The following LRP1B variants were observed in gnomAD, a reference collection of about 807,000 sequenced individuals.
LRP1B encodes the protein LDL receptor related protein 1B.
LRP1B carries 217 observed loss-of-function variants against 556.6 expected under a neutral mutation model. That is an observed-to-expected ratio of 0.39 (90% CI 0.35 to 0.44). The LOEUF is 0.44. Ranked by LOEUF, LRP1B falls within the 20% of genes least tolerant of loss-of-function variation. The pLI is 1.00. For missense variants in LRP1B, 5,053 were observed against 5,620.8 expected (o/e 0.90, Z 3.23); for synonymous variants, 2,047 against 1,865.8 (o/e 1.10, Z -2.50).
rs534278336 is a variant in LRP1B at position 141,571,305 on chromosome 2, G to T, written c.206-90772C>A. ...TGAAGTGAACCCCCAGCAAACTGCAGCAGCCCTACAGAAGAGGAGGCCTAA... is the reference window on the plus strand; with the variant it reads ...TGAAGTGAACCCCCAGCAAACTGCATCAGCCCTACAGAAGAGGAGGCCTAA... On this transcript the variant is annotated intron_variant, in intron 2 of 90. Coordinates refer to ENST00000389484, the MANE Select transcript of LRP1B (RefSeq NM_018557.3). Among the ~76,000 whole-genome samples, 5 of 150,866 alleles carry T rather than the reference G, an allele frequency of 3.3e-5. No homozygotes were observed. The East Asian group carries it at 9.7e-4, about 29-fold the overall frequency.
intron 1 of LRP1B, among the ~76,000 whole-genome samples, chr2:141,936,590 G>C (rs1700641841): frequency 6.6e-6 from 1 of 152,096 alleles, no homozygotes; most frequent in Non-Finnish European, 1.5e-5. Flanking sequence ...TAAGATCCTT[G>C]ATCTGTAATA....
chr2:141,515,023 C>A (rs943619149), intron 2 of LRP1B, among the ~76,000 whole-genome samples: 4 of 152,128 alleles, frequency 2.6e-5, no homozygotes, highest in Non-Finnish European at 4.4e-5. Context: ...AATATTCCAG[C>A]TGGGCATGGT....
At chr2:140,591,015 T>C (rs1353919998) in intron 43 of LRP1B, among the ~76,000 whole-genome samples, 1 of 152,204 alleles carries the variant, frequency 6.6e-6, no homozygotes, top group African/African-American at 2.4e-5. Context: ...AGTCACTTAC[T>C]GTTCTAAAGA....
At chr2:141,927,464 C>T (rs1218607969) in intron 1 of LRP1B, among the ~76,000 whole-genome samples, 1 of 152,026 alleles carries the variant, frequency 6.6e-6, no homozygotes, top group Non-Finnish European at 1.5e-5. Flanking sequence ...CCATATTTTG[C>T]TCATCAGATA....
chr2:140,791,027 G>T (rs1020023566), intron 32 of LRP1B, among the ~76,000 whole-genome samples: 1 of 151,792 alleles, frequency 6.6e-6, no homozygotes, highest in Non-Finnish European at 1.5e-5. Context: ...AGGCCGAGGA[G>T]GGTGGATCCT....
At chr2:141,864,948 G>T (rs763357675) in intron 1 of LRP1B, among the ~76,000 whole-genome samples, 18 of 152,006 alleles carry the variant, frequency 1.2e-4, no homozygotes, top group Non-Finnish European at 2.6e-4. Flanking sequence ...TGTTAATAAA[G>T]CTCATGTCAA....
At chr2:140,979,669 C>G (rs137975708) in intron 18 of LRP1B, among the ~76,000 whole-genome samples, 2 of 152,180 alleles carry the variant, frequency 1.3e-5, no homozygotes, top group African/African-American at 4.8e-5. Flanking sequence ...GGAATGAAAC[C>G]TACTATAACT....
At chr2:140,302,874 C>G (rs1489905694) in intron 83 of LRP1B, among the ~76,000 whole-genome samples, 2 of 151,738 alleles carry the variant, frequency 1.3e-5, no homozygotes, top group Non-Finnish European at 2.9e-5. Flanking sequence ...ACACAATTGG[C>G]TCCCTTAGTT....
chr2:140,677,949 C>T (rs1321385372), intron 41 of LRP1B, among the ~76,000 whole-genome samples: 1 of 150,354 alleles, frequency 6.7e-6, no homozygotes, highest in Non-Finnish European at 1.5e-5. Context: ...TGGCATTGTT[C>T]TATGCACTTG....
intron 18 of LRP1B, among the ~76,000 whole-genome samples, chr2:140,960,732 AAAGT>A (rs1329055537): frequency 2.0e-5 from 3 of 151,908 alleles, no homozygotes; most frequent in Admixed American, 1.3e-4. Flanking sequence ...CTCACCTCTA[AAAGT>A]AAGATGTCCT....
chr2:141,672,991 C>A (rs62166534), intron 2 of LRP1B, among the ~76,000 whole-genome samples: 1 of 152,080 alleles, frequency 6.6e-6, no homozygotes, highest in African/African-American at 2.4e-5. Context: ...CTATGGGTAT[C>A]ATTAACACAT....
chr2:140,352,609 C>A (rs943793308), intron 76 of LRP1B, among the ~76,000 whole-genome samples: 1 of 152,038 alleles, frequency 6.6e-6, no homozygotes, highest in African/African-American at 2.4e-5. Context: ...TTATTTTTAT[C>A]CCTGGGGTAT....
chr2:140,839,469 GT>G (rs769345161), intron 31 of LRP1B, among the ~76,000 whole-genome samples: 2 of 152,112 alleles, frequency 1.3e-5, no homozygotes, highest in Non-Finnish European at 2.9e-5. Context: ...AGCTGCTAGC[GT>G]AAAAGCAGGC....
intron 17 of LRP1B, among the ~76,000 whole-genome samples, chr2:140,984,536 T>G (rs1216057308): frequency 6.6e-6 from 1 of 152,120 alleles, no homozygotes; most frequent in Admixed American, 6.6e-5. Flanking sequence ...CAGGTTTAAT[T>G]CTAGCAAAGT....
At chr2:140,882,514 G>A (rs1693506221) in intron 25 of LRP1B, among the ~76,000 whole-genome samples, 1 of 152,128 alleles carries the variant, frequency 6.6e-6, no homozygotes, top group South Asian at 2.1e-4. Flanking sequence ...AGGGTCTTAT[G>A]TAAAATCTCT....
chr2:140,842,986 C>T (rs1169605814), intron 29 of LRP1B, among the ~76,000 whole-genome samples: 2 of 150,594 alleles, frequency 1.3e-5, no homozygotes, highest in East Asian at 1.9e-4. Context: ...CTGCATTTTA[C>T]CTTGGATTTC....
At position 140,931,214 on chromosome 2, in the gene LRP1B, C is replaced by A. The variant is rs533304639; in HGVS notation, c.3137-8067G>T. On this transcript the variant is annotated intron_variant, in intron 20 of 90. Coordinates refer to ENST00000389484, the MANE Select transcript of LRP1B (RefSeq NM_018557.3). ...GCCTAAGTCTTTCTTCTTAAATCAA[C>A]TAGTCCTTATCCCATTGGACCTTCA... 2.0e-5 allele frequency among the ~76,000 whole-genome samples: 3 copies of A among 152,256 alleles called. No homozygotes were observed. In the East Asian group the frequency reaches 5.8e-4, roughly 29 times the overall value.
chr2:141,843,260 T>A (rs1558912344), intron 1 of LRP1B, among the ~76,000 whole-genome samples: 1 of 152,166 alleles, frequency 6.6e-6, no homozygotes, highest in Non-Finnish European at 1.5e-5. Flanking sequence ...TATAGGACAA[T>A]GTTCTGGAAT....
At chr2:141,670,113 T>C (rs1011920446) in intron 2 of LRP1B, among the ~76,000 whole-genome samples, 1 of 152,202 alleles carries the variant, frequency 6.6e-6, no homozygotes, top group Admixed American at 6.5e-5. Context: ...GTATTTATTT[T>C]CAATGAATAA....
Sources: allele counts gnomAD v4.1 joint callset (sites outside exome capture counted in the v4.1 genomes callset), GRCh38; gene constraint gnomAD v4.1.1; transcripts MANE v1.5; gene names NCBI Gene and HGNC (gene_info 2026-07-23, HGNC 2026-07-21).